The following LRRC75B variants were observed in gnomAD, a reference collection of about 807,000 sequenced individuals.
LRRC75B encodes leucine rich repeat containing 75B, also known as leucine-rich repeat-containing protein 75B.
Under a neutral mutation model 16.5 loss-of-function variants are expected in LRRC75B, and 20 were observed. The ratio of observed to expected loss-of-function variants is 1.21; its 90% CI spans 0.85 to 1.76. The LOEUF is 1.76. Among genes scored for constraint, LRRC75B ranks in the 40% most tolerant of loss-of-function variants. LRRC75B has a pLI of 0.00. For missense variants in LRRC75B, 406 were observed against 417.0 expected (o/e 0.97, Z 0.23); for synonymous variants, 199 against 198.1 (o/e 1.00, Z -0.04).
At chr22:24,592,830 G>A (rs2045613398) in intron 1 of LRRC75B, 33 bp downstream of exon 1, 5 of 1,272,692 alleles carry the variant, frequency 3.9e-6, no homozygotes, top group South Asian at 2.3e-5. Context: ...CTCCCTGGCC[G>A]CCAGCCCAGG....
intron 1 of LRRC75B, chr22:24,592,276 G>T: frequency 2.1e-6 from 1 of 466,714 alleles, no homozygotes. Context: ...CAGATGCTGG[G>T]GATGTGTACT....
chr22:24,586,437 G>T (rs2045395770), intron 3 of LRRC75B, 26 bp from the exon 4 acceptor site: 4 of 1,588,800 alleles, frequency 2.5e-6, no homozygotes, highest in Non-Finnish European at 3.4e-6. Flanking sequence ...AGGTGGGGAT[G>T]GACTAGGCAA....
At chr22:24,588,157 C>G (rs2045454146) in intron 3 of LRRC75B, 57 bp downstream of exon 3, 1 of 1,380,796 alleles carries the variant, frequency 7.2e-7, no homozygotes, top group Admixed American at 1.9e-5. Context: ...CAGGTGTCAA[C>G]CTGAGAAGGG....
intron 3 of LRRC75B, 35 bp downstream of exon 3, chr22:24,588,179 G>A (rs760694878): frequency 2.0e-6 from 3 of 1,500,080 alleles, no homozygotes; most frequent in Non-Finnish European, 2.8e-6. Context: ...CCTTGGAGCA[G>A]CAGTGAGGAG....
chr22:24,586,161 C>T lies in LRRC75B; in HGVS notation c.673G>A (p.Ala225Thr). ...TTGATGGCATCAGTGAGCTTGCGGG[C>T]AGTGGCCCGCGTCAGTCGGTTGCCG... is the stretch of plus-strand genomic sequence containing the variant. Reference protein sequence around the residue: ...LNGNRLTRATARKLTDAIKDT... With the variant: ...LNGNRLTRATTRKLTDAIKDT... The change falls in exon 4 of 4, where the codon GCC (alanine) becomes ACC (threonine). Residue 225 changes from alanine to threonine, a missense_variant. By Grantham distance (58) the Ala-to-Thr change is moderately conservative. Transcript: ENST00000318753. 6.2e-7 allele frequency: 1 copy of T among 1,613,502 alleles called. No homozygotes were observed. Among genetic ancestry groups the T allele is most frequent in the East Asian group, 2.2e-5 (1 of 44,886 alleles).
At chr22:24,588,187 G>C in intron 3 of LRRC75B, 27 bp downstream of exon 3, 1 of 1,539,234 alleles carries the variant, frequency 6.5e-7, no homozygotes, top group Non-Finnish European at 9.0e-7. Context: ...CAGCAGTGAG[G>C]AGGGGCAGTG....
chr22:24,588,456 G>T, intron 2 of LRRC75B, 127 bp from the exon 3 acceptor site: 1 of 791,066 alleles, frequency 1.3e-6, no homozygotes, highest in Non-Finnish European at 2.0e-6. Context: ...TCACCGAGTT[G>T]CCCACCAGGG....
chr22:24,589,805 T>G lies in LRRC75B; in HGVS notation c.306+16A>C. 6.2e-7 allele frequency: 1 copy of G among 1,606,618 alleles called. No homozygotes were observed. Among genetic ancestry groups the G allele is most frequent in the African/African-American group, 1.3e-5 (1 of 74,840 alleles). On this transcript the variant is annotated intron_variant, in intron 2 of 3. Coordinates refer to ENST00000318753, the MANE Select transcript of LRRC75B (RefSeq NM_207644.3). ...ACCACAGTGCCCAGCCCAGGGCCCG[T>G]GCCTGCCAGCCTCACCTTCTTGGGG...
At chr22:24,591,241 A>G (rs1013408055) in intron 1 of LRRC75B, among the ~76,000 whole-genome samples, 9 of 152,184 alleles carry the variant, frequency 5.9e-5, no homozygotes, top group African/African-American at 2.2e-4. Flanking sequence ...CACCACGCCC[A>G]GCTAATTTTG....
Position 24,589,912 on chromosome 22 carries a change from A to T in LRRC75B, c.215T>A (p.Leu72His). ...GTTGAGGAAGGCCACATCTCTGTAGAGGATATCAGGAAGGAGGGTCCTCTC... is the reference window on the plus strand; with the variant it reads ...GTTGAGGAAGGCCACATCTCTGTAGTGGATATCAGGAAGGAGGGTCCTCTC... Reference protein sequence around the residue: ...GLERTLLPDILYRDVAFLNPV... With the variant: ...GLERTLLPDIHYRDVAFLNPV... Residue 72 changes from leucine (L) to histidine (H), a missense_variant, in exon 2 of 4, where the codon CTC becomes CAC. Physicochemically the swap from Leu to His is moderately conservative, Grantham distance 99. Transcript: ENST00000318753. 1 of 1,611,826 alleles carries T rather than the reference A, an allele frequency of 6.2e-7. No homozygotes were observed. Among genetic ancestry groups the T allele is most frequent in the South Asian group, 1.1e-5 (1 of 90,532 alleles).
Position 24,588,272 on chromosome 22 carries a change from T to G in LRRC75B, c.364A>C (p.Thr122Pro). ...CCTTGCTGCTGCTTCGAGTGAGGGG[T>G]GAGGTGGTAGATGAGCTGTCGGCAG... The part of the protein sequence containing the change: ...KICRQLIYHL[T>P]PHSKQQQGSS... The change falls in exon 3 of 4, where the codon ACC becomes CCC. Residue 122 changes from threonine (T) to proline (P), a missense_variant. Transcript: ENST00000318753. 1 of 1,613,420 alleles carries G rather than the reference T, an allele frequency of 6.2e-7. No individual in the cohort carries two copies. Among genetic ancestry groups the G allele is most frequent in the Non-Finnish European group, 8.5e-7 (1 of 1,179,862 alleles).
chr22:24,588,923 C>A, intron 2 of LRRC75B: 1 of 1,002,260 alleles, frequency 1.0e-6, no homozygotes, highest in Non-Finnish European at 1.2e-6. Context: ...GGGTGGAATC[C>A]GAGGTGCGCG....
rs185878404 is a variant in LRRC75B at position 24,587,212 on chromosome 22, G to A, written c.423-801C>T. Reference sequence around the variant, plus strand: ...GGCTATTAGGCTGTACAGGGCACCGGGGATAGAGAGGGACAGGCCCACAGT... The same window carrying A: ...GGCTATTAGGCTGTACAGGGCACCGAGGATAGAGAGGGACAGGCCCACAGT... On this transcript the variant is annotated intron_variant, in intron 3 of 3. Transcript: ENST00000318753. 5.6e-3 allele frequency among the ~76,000 whole-genome samples: 857 copies of A among 152,328 alleles called. 3 individuals are homozygous for A. Among genetic ancestry groups the A allele is most frequent in the Middle Eastern group, 0.01 (3 of 294 alleles).
chr22:24,586,244 A>T lies in LRRC75B; in HGVS notation c.590T>A (p.Leu197Gln), dbSNP rs1282039276. ...LSFTGLSDEL[L>Q]HLLLPSLWAL... ...CCACAGGCTGGGCAGCAGGAGGTGC[A>T]GCAGCTCATCACTCAGCCCCGTGAA... The change falls in exon 4 of 4, where the codon CTG becomes CAG. Residue 197 changes from leucine (L) to glutamine (Q), a missense_variant. Transcript: ENST00000318753. 1.2e-6 allele frequency: 2 copies of T among 1,613,794 alleles called. No individual in the cohort carries two copies. The highest frequency in any genetic ancestry group is 1.7e-6 in the Non-Finnish European group (2 of 1,180,044).
chr22:24,589,181 GCTGGTCACAGCCACACATC>G, intron 2 of LRRC75B: 1 of 1,182,748 alleles, frequency 8.5e-7, no homozygotes, highest in Non-Finnish European at 1.1e-6. Flanking sequence ...GGGTCCGGTG[GCTGGTCACAGCCACACATC>G]CTGGGGCTGT....
intron 3 of LRRC75B, 87 bp downstream of exon 3, chr22:24,588,127 C>T: frequency 9.3e-7 from 1 of 1,074,048 alleles, no homozygotes; most frequent in Non-Finnish European, 1.4e-6. Flanking sequence ...GATTTCAGCA[C>T]CAGCCTCTTG....
At position 24,585,880 on chromosome 22, in the gene LRRC75B, G is replaced by T. The variant is rs757740578; in HGVS notation, c.*6C>A. The T allele has an allele frequency of 1.3e-5, 21 of 1,572,042 alleles. No homozygotes were observed. The highest frequency in any genetic ancestry group is 3.4e-4 in the Middle Eastern group (2 of 5,928). On this transcript the variant is annotated 3_prime_UTR_variant, in exon 4 of 4. Transcript: ENST00000318753. ...GTCAGTAGCAATGAGCCAGGTGGGTGGTGGGTCACCTGGCACAGCAGGCCT... is the reference window on the plus strand; with the variant it reads ...GTCAGTAGCAATGAGCCAGGTGGGTTGTGGGTCACCTGGCACAGCAGGCCT...
intron 2 of LRRC75B, chr22:24,588,866 C>T (rs1459514903): frequency 2.0e-6 from 2 of 1,007,544 alleles, no homozygotes; most frequent in African/African-American, 3.4e-5. Context: ...GCACCACCAC[C>T]TGGCTCTCTC....
At position 24,589,962 on chromosome 22, in the gene LRRC75B, AAG is replaced by A. The variant is rs2045520265; in HGVS notation, c.178-15_178-14del. 1 of 1,576,722 alleles carries A rather than the reference AAG, an allele frequency of 6.3e-7. No homozygotes were observed. Among genetic ancestry groups the A allele is most frequent in the African/African-American group, 1.4e-5 (1 of 73,886 alleles). ...CAAGGCCCAGGTCCTGTGAGTGGTG[AAG>A]AGAGAGTTGAGTGAGCCCGTTGGGT... On this transcript the variant is annotated splice_polypyrimidine_tract_variant and intron_variant, in intron 1 of 3. Coordinates refer to ENST00000318753, the MANE Select transcript of LRRC75B (RefSeq NM_207644.3).
Sources: allele counts gnomAD v4.1 joint callset (sites outside exome capture counted in the v4.1 genomes callset), GRCh38; gene constraint gnomAD v4.1.1; transcripts MANE v1.5; gene names NCBI Gene and HGNC (gene_info 2026-07-23, HGNC 2026-07-21).